DLGAP2: variants seen among roughly 807,000 people sequenced by gnomAD.
The protein encoded by DLGAP2 is disks large-associated protein 2.
DLGAP2 carries 26 observed loss-of-function variants against 100.3 expected under a neutral mutation model. That is an observed-to-expected ratio of 0.26 (90% CI 0.19 to 0.36). The LOEUF is 0.36. DLGAP2 is among the 10% of genes least tolerant of loss of function. The pLI, the probability that DLGAP2 is intolerant of heterozygous loss-of-function variation, is 1.00. For missense variants in DLGAP2, 1,858 were observed against 1,453.2 expected (o/e 1.28, Z -4.53); for synonymous variants, 886 against 630.1 (o/e 1.41, Z -6.08).
In DLGAP2 at chr8:1,219,188, TG is replaced by T. The variant is rs140895638; in HGVS notation, c.74-39662del. ...TAGAAGTAGTGTGAGAGGGCATTCT[TG>T]TTTTGTTCTGGTTCTCAAGGGAAAT... On this transcript the variant is annotated intron_variant, in intron 2 of 14. Coordinates refer to ENST00000637795, the MANE Select transcript of DLGAP2 (RefSeq NM_001346810.2). Among the ~76,000 whole-genome samples, 222 of 152,276 alleles carry T rather than the reference TG, an allele frequency of 1.5e-3. 1 individual carries two copies. Among genetic ancestry groups the T allele is most frequent in the Non-Finnish European group, 2.5e-3 (172 of 67,994 alleles).
At chr8:937,647 G>T (rs2129004611) in intron 2 of DLGAP2, among the ~76,000 whole-genome samples, 1 of 152,286 alleles carries the variant, frequency 6.6e-6, no homozygotes, top group East Asian at 1.9e-4. Context: ...CCCTTGGAAG[G>T]CAGGGGCCTT....
chr8:1,684,465 A>C (rs1457652024), intron 12 of DLGAP2, among the ~76,000 whole-genome samples: 1 of 152,104 alleles, frequency 6.6e-6, no homozygotes, highest in Non-Finnish European at 1.5e-5. Flanking sequence ...TAAAGATTAA[A>C]TTAAATGTCT....
intron 3 of DLGAP2, among the ~76,000 whole-genome samples, chr8:1,483,759 T>TGTGCAGGACATGGGGACCAGGGAGGCAG (rs1563176108): frequency 7.1e-5 from 2 of 28,212 alleles, no homozygotes; most frequent in African/African-American, 2.9e-4. Context: ...CAGGGAGGCA[T>TGTGCAGGACATGGGGACCAGGGAGGCAG]GTGCAGGACA....
intron 3 of DLGAP2, among the ~76,000 whole-genome samples, chr8:1,366,465 TG>T (rs1255841051): frequency 5.3e-5 from 8 of 151,836 alleles, no homozygotes; most frequent in Non-Finnish European, 1.2e-4. Context: ...CCATCTGAAG[TG>T]GGGGGCAGCC....
intron 14 of DLGAP2, 36 bp from the exon 15 acceptor site, chr8:1,701,152 G>C: frequency 6.5e-7 from 1 of 1,541,128 alleles, no homozygotes; most frequent in Non-Finnish European, 8.8e-7. Flanking sequence ...ACCCTCCTCC[G>C]AGCACCTGCC....
intron 2 of DLGAP2, among the ~76,000 whole-genome samples, chr8:1,209,223 G>A (rs765870429): frequency 6.6e-6 from 1 of 152,092 alleles, no homozygotes; most frequent in African/African-American, 2.4e-5. Flanking sequence ...AACGAATCTG[G>A]AGGCATCACA....
chr8:1,465,883 G>C (rs141705006), intron 3 of DLGAP2, among the ~76,000 whole-genome samples: 206 of 152,338 alleles, frequency 1.4e-3, no homozygotes, highest in African/African-American at 4.8e-3. Context: ...AGGTGGGTCA[G>C]AGAATGTCTT....
Position 954,460 on chromosome 8 carries a change from A to T in DLGAP2, c.73+46494A>T, listed in dbSNP as rs569078823. On this transcript the variant is annotated intron_variant, in intron 2 of 14. Coordinates refer to ENST00000637795, the MANE Select transcript of DLGAP2 (RefSeq NM_001346810.2). ...CTGTAATACTAAAATTTGGAAACAC[A>T]TATAAATGTTCATTGACTAGAGAAT... is the stretch of plus-strand genomic sequence containing the variant. Among the ~76,000 whole-genome samples, 236 of 152,362 alleles carry T rather than the reference A, an allele frequency of 1.5e-3. 1 individual carries two copies. Among genetic ancestry groups the T allele is most frequent in the African/African-American group, 5.5e-3 (227 of 41,596 alleles).
At chr8:1,530,200 A>G (rs1800940883) in intron 4 of DLGAP2, among the ~76,000 whole-genome samples, 1 of 152,174 alleles carries the variant, frequency 6.6e-6, no homozygotes, top group Non-Finnish European at 1.5e-5. Flanking sequence ...TCACCCCTAC[A>G]GTCTCAACCA....
At chr8:1,635,679 CA>C (rs1797749983) in intron 8 of DLGAP2, among the ~76,000 whole-genome samples, 1 of 152,106 alleles carries the variant, frequency 6.6e-6, no homozygotes, top group Non-Finnish European at 1.5e-5. Flanking sequence ...TATGCAGGCT[CA>C]AAAGGTAAAA....
rs537951010 is a variant in DLGAP2 at position 1,417,150 on chromosome 8, C to CCCCCGTTCATTCATTTAGCG, written c.107-84216_107-84215insCCCCGTTCATTCATTTAGCG. ...CATTTAGCGTCTGAGGCGGGGGAGACTCTGAGTGAAGGGGAAGCCCCCGTT... is the reference window on the plus strand; with the variant it reads ...CATTTAGCGTCTGAGGCGGGGGAGACCCCCGTTCATTCATTTAGCGTCTGAGTGAAGGGGAAGCCCCCGTT... On this transcript the variant is annotated intron_variant, in intron 3 of 14. Coordinates refer to ENST00000637795, the MANE Select transcript of DLGAP2 (RefSeq NM_001346810.2). Among the ~76,000 whole-genome samples, 9 of 85,378 alleles carry CCCCCGTTCATTCATTTAGCG rather than the reference C, an allele frequency of 1.1e-4. 1 individual carries two copies. The highest frequency in any genetic ancestry group is 1.8e-4 in the African/African-American group (3 of 17,054). The allele number at this position is 85,378 out of a possible 152,430, so 56.0% of individuals were successfully genotyped here. A position where few individuals can be genotyped will look rare whatever the true frequency, so the allele number is the denominator to read the frequency against.
intron 5 of DLGAP2, among the ~76,000 whole-genome samples, chr8:1,553,716 G>A (rs184937864): frequency 6.6e-5 from 10 of 151,994 alleles, no homozygotes; most frequent in South Asian, 2.1e-4. Context: ...GCAGCCATTC[G>A]CTGAAGGACG....
At chr8:847,488 G>T (rs544818862) in intron 1 of DLGAP2, among the ~76,000 whole-genome samples, 13 of 151,690 alleles carry the variant, frequency 8.6e-5, no homozygotes, top group Non-Finnish European at 1.3e-4. Flanking sequence ...GGATTATCTT[G>T]ATTGTGTACT....
chr8:1,367,324 T>C (rs1314397226), intron 3 of DLGAP2, among the ~76,000 whole-genome samples: 1 of 152,246 alleles, frequency 6.6e-6, no homozygotes, highest in Non-Finnish European at 1.5e-5. Flanking sequence ...ATGATTCTTT[T>C]GGATTCTCCT....
At chr8:1,047,287 T>G (rs1802542910) in intron 2 of DLGAP2, among the ~76,000 whole-genome samples, 1 of 152,238 alleles carries the variant, frequency 6.6e-6, no homozygotes, top group African/African-American at 2.4e-5. Flanking sequence ...GTTGTCAAGC[T>G]TCTATATTTT....
At chr8:1,071,420 C>T (rs1000337712) in intron 2 of DLGAP2, among the ~76,000 whole-genome samples, 1 of 152,160 alleles carries the variant, frequency 6.6e-6, no homozygotes, top group Non-Finnish European at 1.5e-5. Context: ...TGCAGTCTCT[C>T]CTGGGTGGGG....
At chr8:1,527,510 G>A (rs1478629488) in intron 4 of DLGAP2, among the ~76,000 whole-genome samples, 1 of 152,220 alleles carries the variant, frequency 6.6e-6, no homozygotes, top group Non-Finnish European at 1.5e-5. Context: ...GACTTTAATT[G>A]GGATCAGCAC....
chr8:1,003,705 C>T (rs933800601), intron 2 of DLGAP2, among the ~76,000 whole-genome samples: 3 of 152,174 alleles, frequency 2.0e-5, no homozygotes, highest in African/African-American at 7.2e-5. Flanking sequence ...GTGGGGCTGG[C>T]TGTCAGCTTG....
rs1430426517 is a variant in DLGAP2 at position 1,026,226 on chromosome 8, GAC to G, written c.73+118261_73+118262del. Among the ~76,000 whole-genome samples the G allele has an allele frequency of 3.9e-5, 6 of 152,316 alleles. No individual in the cohort carries two copies. The East Asian group carries it at 1.2e-3, about 29-fold the overall frequency. On this transcript the variant is annotated intron_variant, in intron 2 of 14. Coordinates refer to ENST00000637795, the MANE Select transcript of DLGAP2 (RefSeq NM_001346810.2). ...ACGATCGTGCTGTCTCGTTGGTGGA[GAC>G]GTTTGCCGTCTTCCGAAGCTTCTCT...
Sources: gnomAD v4.1 joint callset for allele counts (sites outside exome capture counted in the v4.1 genomes callset) on GRCh38, gnomAD v4.1.1 for gene constraint, MANE v1.5 for transcripts, NCBI Gene and HGNC (gene_info 2026-07-23, HGNC 2026-07-21) for gene names.